GPR19: variants seen among roughly 807,000 people sequenced by gnomAD.
GPR19 encodes the protein G protein-coupled receptor 19.
A neutral mutation model predicts 28.5 loss-of-function variants in GPR19; 14 were observed. The observed-to-expected ratio is 0.49, with a 90% confidence interval of 0.32 to 0.77. The LOEUF (loss-of-function observed/expected upper bound fraction) is 0.77, where lower values mean the gene tolerates loss of function less well. Ranked by LOEUF, GPR19 falls within the 30% of genes least tolerant of loss-of-function variation. The pLI, the probability that GPR19 is intolerant of heterozygous loss-of-function variation, is 0.03. For synonymous variants in GPR19, 173 were observed against 184.1 expected (o/e 0.94, Z 0.49); for missense variants, 409 against 504.1 (o/e 0.81, Z 1.81).
intron 3 of GPR19, among the ~76,000 whole-genome samples, chr12:12,678,770 G>A (rs1272616267): frequency 6.6e-6 from 1 of 152,114 alleles, no homozygotes; most frequent in Non-Finnish European, 1.5e-5. Flanking sequence ...GAAAAGTAAT[G>A]GCAAAAACTG....
intron 3 of GPR19, among the ~76,000 whole-genome samples, chr12:12,679,521 A>G (rs1454886610): frequency 2.1e-5 from 3 of 142,144 alleles, no homozygotes; most frequent in Non-Finnish European, 4.5e-5. Context: ...TCATAGACCT[A>G]AAGGGAAAAA....
At chr12:12,693,306 T>C (rs1054177261) in intron 2 of GPR19, among the ~76,000 whole-genome samples, 1 of 152,206 alleles carries the variant, frequency 6.6e-6, no homozygotes, top group African/African-American at 2.4e-5. Flanking sequence ...CTGCTGCACA[T>C]GCATTCCCAT....
chr12:12,710,924 T>C, the GPR19 span, among the ~76,000 whole-genome samples: 6 of 152,174 alleles, frequency 3.9e-5, no homozygotes, highest in East Asian at 5.8e-4. Context: ...ATACTGACCA[T>C]TGAGTGATAA....
At chr12:12,696,728 T>G (rs1946268263), upstream of GPR19, among the ~76,000 whole-genome samples, 1 of 152,238 alleles carries the variant, frequency 6.6e-6, no homozygotes, top group Non-Finnish European at 1.5e-5. Flanking sequence ...CGAAGCGCTG[T>G]GTCGCGGTTC....
At chr12:12,704,403 G>A in the GPR19 span, among the ~76,000 whole-genome samples, 3 of 152,198 alleles carry the variant, frequency 2.0e-5, no homozygotes, top group Non-Finnish European at 4.4e-5. Flanking sequence ...TCAGGAGGCT[G>A]AGGCAGTAGA....
intron 2 of GPR19, among the ~76,000 whole-genome samples, chr12:12,693,453 T>A (rs1431716218): frequency 6.6e-6 from 1 of 152,128 alleles, no homozygotes; most frequent in Non-Finnish European, 1.5e-5. Flanking sequence ...GGCCCAAGAT[T>A]CACCATGTGT....
At position 12,661,933 on chromosome 12, in the gene GPR19, G is replaced by A. The variant is rs1247566875; in HGVS notation, c.516C>T (p.Ser172=). The A allele has an allele frequency of 7.4e-6, 12 of 1,614,142 alleles. No individual in the cohort carries two copies. The highest frequency in any genetic ancestry group is 6.7e-5 in the African/African-American group (5 of 74,954). The part of the protein sequence containing the change: ...DRFYTIVYPL[S]FKVSREKAKK... ...TGGCTTTTTCTCTGGACACCTTGAA[G>A]CTCAGAGGATAGACGATGGTGTAGA... is the stretch of plus-strand genomic sequence containing the variant. The change falls in exon 4 of 4, where the codon AGC becomes AGT. Residue 172 remains serine, a synonymous_variant. Coordinates refer to ENST00000651487, the MANE Select transcript of GPR19 (RefSeq NM_006143.3). The surrounding 1 kb of genome is among the most constrained non-coding windows in gnomAD (Gnocchi z 4.2).
intron 3 of GPR19, among the ~76,000 whole-genome samples, chr12:12,665,013 T>G (rs11055008): frequency 0.29 from 43,366 of 149,964 alleles, 7,482 homozygotes; most frequent in Non-Finnish European, 0.39. Context: ...CTCATACATA[T>G]AAGATTGAAA....
chr12:12,711,867 C>T, the GPR19 span, among the ~76,000 whole-genome samples: 1 of 152,194 alleles, frequency 6.6e-6, no homozygotes, highest in South Asian at 2.1e-4. Flanking sequence ...ACCTAAGTAA[C>T]CACCCTGCAT....
the GPR19 span, among the ~76,000 whole-genome samples, chr12:12,705,550 A>ATT: frequency 1.2e-4 from 18 of 146,574 alleles, no homozygotes; most frequent in South Asian, 1.1e-3. Context: ...CAGCATGGCA[A>ATT]TTTTTTTTTT....
Position 12,661,530 on chromosome 12 carries a change from T to C in GPR19, c.919A>G (p.Lys307Glu). 6.2e-7 allele frequency: 1 copy of C among 1,613,778 alleles called. No homozygotes were observed. The highest frequency in any genetic ancestry group is 8.5e-7 in the Non-Finnish European group (1 of 1,179,668). The change falls in exon 4 of 4, where the codon AAA (lysine) becomes GAA (glutamate). Residue 307 changes from lysine (K) to glutamate (E), a missense_variant. Physicochemically the swap from Lys to Glu is moderately conservative, Grantham distance 56. Coordinates refer to ENST00000651487, the MANE Select transcript of GPR19 (RefSeq NM_006143.3). This position sits in a 1 kb window ranked among gnomAD's most constrained non-coding sequence, Gnocchi z 4.2. Reference protein sequence around the residue: ...LWHPHEQDYKKSSLVFTAITW... With the variant: ...LWHPHEQDYKESSLVFTAITW... ...ATAGCTGTGAAAACAAGGGAACTTT[T>C]CTTATAGTCTTGTTCATGGGGGTGC...
At chr12:12,664,810 C>T (rs903421355) in intron 3 of GPR19, among the ~76,000 whole-genome samples, 4 of 151,006 alleles carry the variant, frequency 2.6e-5, no homozygotes, top group African/African-American at 9.8e-5. Context: ...GTCCCAGCTA[C>T]TCGGGAGGCT....
the GPR19 span, chr12:12,717,079 C>T: frequency 9.9e-7 from 1 of 1,009,828 alleles, no homozygotes; most frequent in African/African-American, 1.7e-5. Flanking sequence ...AACCTCAGGC[C>T]CCGCCCCAGG....
At position 12,661,772 on chromosome 12, in the gene GPR19, A is replaced by G; in HGVS notation, c.677T>C (p.Ile226Thr). The G allele has an allele frequency of 1.2e-6, 2 of 1,614,116 alleles. No homozygotes were observed. Among genetic ancestry groups the G allele is most frequent in the Non-Finnish European group, 1.7e-6 (2 of 1,179,974 alleles). The change falls in exon 4 of 4, where the codon ATC becomes ACC. Residue 226 changes from isoleucine (I) to threonine (T), a missense_variant. By Grantham distance (89) the Ile-to-Thr change is moderately conservative. Transcript: ENST00000651487. The surrounding 1 kb of genome is among the most constrained non-coding windows in gnomAD (Gnocchi z 4.2). The stretch of plus-strand genomic sequence containing the variant: ...AATCACAAAGCCCACCAAGAAGTGG[A>G]TGACAGTGTAGGCAGTGCCTTCCCA... ...SSWEGTAYTVIHFLVGFVIPS... is the reference protein window; with the variant it reads ...SSWEGTAYTVTHFLVGFVIPS...
rs1382933749 is a variant in GPR19 at position 12,661,269 on chromosome 12, C to T, written c.1180G>A (p.Asp394Asn). Residue 394 changes from aspartate (D) to asparagine (N), a missense_variant, in exon 4 of 4, where the codon GAC (aspartate) becomes AAC (asparagine). Asp to Asn is a conservative substitution (Grantham distance 23). Transcript: ENST00000651487. This position sits in a 1 kb window ranked among gnomAD's most constrained non-coding sequence, Gnocchi z 4.2. ...ITKDSIYDSFDREAKEKKLAW... is the reference protein window; with the variant it reads ...ITKDSIYDSFNREAKEKKLAW... ...AGCTTTTTTTCCTTGGCTTCTCTGTCAAATGAGTCATAGATCGAGTCTTTG... is the reference window on the plus strand; with the variant it reads ...AGCTTTTTTTCCTTGGCTTCTCTGTTAAATGAGTCATAGATCGAGTCTTTG... 4 of 1,613,368 alleles carry T rather than the reference C, an allele frequency of 2.5e-6. No homozygotes were observed. Among genetic ancestry groups the T allele is most frequent in the Non-Finnish European group, 3.4e-6 (4 of 1,179,604 alleles).
In GPR19 at chr12:12,662,231, C is replaced by T. The variant is rs763359862; in HGVS notation, c.218G>A (p.Gly73Glu). ...GAAGATAGAAAACAACCACAGAATC[C>T]CAAAGAAGATGCTGGCTGTGGCCAC... ...GEVATASIFF[G>E]ILWLFSIFGN... The change falls in exon 4 of 4, where the codon GGG becomes GAG. Residue 73 changes from glycine to glutamate, a missense_variant. Physicochemically the swap from Gly to Glu is moderately conservative, Grantham distance 98. Coordinates refer to ENST00000651487, the MANE Select transcript of GPR19 (RefSeq NM_006143.3). 2 of 1,614,194 alleles carry T rather than the reference C, an allele frequency of 1.2e-6. No individual in the cohort carries two copies. The highest frequency in any genetic ancestry group is 1.3e-5 in the African/African-American group (1 of 75,046).
chr12:12,667,643 ATCAC>A (rs1945802090), intron 3 of GPR19, among the ~76,000 whole-genome samples: 1 of 151,304 alleles, frequency 6.6e-6, no homozygotes, highest in Non-Finnish European at 1.5e-5. Flanking sequence ...ATGAGCTGAG[ATCAC>A]GCCACTGCAC....
intron 3 of GPR19, among the ~76,000 whole-genome samples, chr12:12,679,066 G>A (rs540142520): frequency 6.6e-6 from 1 of 151,984 alleles, no homozygotes; most frequent in Non-Finnish European, 1.5e-5. Context: ...CAAAGTACTG[G>A]GATTATAGAC....
the GPR19 span, among the ~76,000 whole-genome samples, chr12:12,706,069 G>A: frequency 6.6e-6 from 1 of 152,174 alleles, no homozygotes; most frequent in African/African-American, 2.4e-5. Flanking sequence ...AGGAGTGTGT[G>A]TGCATAATTT....
Sources: gnomAD v4.1 joint callset for allele counts (sites outside exome capture counted in the v4.1 genomes callset) on GRCh38, gnomAD v4.1.1 for gene constraint, Gnocchi (gnomAD v3.1) non-coding constraint, MANE v1.5 for transcripts, NCBI Gene and HGNC (gene_info 2026-07-23, HGNC 2026-07-21) for gene names.